ACBD6: variants seen among roughly 807,000 people sequenced by gnomAD.
ACBD6 encodes the protein acyl-CoA-binding domain-containing protein 6.
A neutral mutation model predicts 37.2 loss-of-function variants in ACBD6; 28 were observed. The ratio of observed to expected loss-of-function variants is 0.75; its 90% confidence interval spans 0.56 to 1.03. The LOEUF (loss-of-function observed/expected upper bound fraction) is 1.03, where lower values mean the gene tolerates loss of function less well. Among genes scored for constraint, ACBD6 ranks in the 50% least tolerant of loss-of-function variants. The probability of loss-of-function intolerance (pLI) is 0.00; values close to 1 mark genes in which losing one functional copy is unlikely to be tolerated. For missense variants in ACBD6, 340 were observed against 337.4 expected, an observed-to-expected ratio of 1.01 and a Z score of -0.06; for synonymous variants, 113 against 126.8, an observed-to-expected ratio of 0.89 and a Z score of 0.73.
At chr1:180,480,733 TA>T (rs1650999881) in intron 3 of ACBD6, among the ~76,000 whole-genome samples, 1 of 152,108 alleles carries the variant, frequency 6.6e-6, no homozygotes, top group Non-Finnish European at 1.5e-5. Flanking sequence ...AGATGTCACT[TA>T]AAAAATGAGA....
intron 3 of ACBD6, among the ~76,000 whole-genome samples, chr1:180,433,574 CTGTGTG>C (rs61101474): frequency 0.034 from 5,142 of 149,718 alleles, 225 homozygotes; most frequent in African/African-American, 0.091. Flanking sequence ...TGGTGTTATG[CTGTGTG>C]TGTGTGTGTG....
chr1:180,482,100 G>C (rs1651072335), intron 3 of ACBD6, among the ~76,000 whole-genome samples: 2 of 151,896 alleles, frequency 1.3e-5, no homozygotes, highest in Admixed American at 6.6e-5. Flanking sequence ...AAAGTCAAAG[G>C]TAAATTTTTG....
intron 3 of ACBD6, among the ~76,000 whole-genome samples, chr1:180,444,116 A>T (rs1184310718): frequency 2.0e-5 from 3 of 152,044 alleles, no homozygotes; most frequent in African/African-American, 7.2e-5. Flanking sequence ...ATAATATTCC[A>T]TGCAGTAATG....
intron 5 of ACBD6, among the ~76,000 whole-genome samples, chr1:180,406,333 T>C (rs568077378): frequency 1.3e-5 from 2 of 152,248 alleles, no homozygotes; most frequent in African/African-American, 2.4e-5. Flanking sequence ...CCAAAGAACA[T>C]TTCCTTGGAG....
At chr1:180,422,152 G>A (rs1648392281) in intron 4 of ACBD6, among the ~76,000 whole-genome samples, 2 of 151,984 alleles carry the variant, frequency 1.3e-5, no homozygotes, top group African/African-American at 4.8e-5. Flanking sequence ...AAATGTGCAA[G>A]GTTCTTGTAC....
chr1:180,306,134 A>T (rs952339559), intron 7 of ACBD6, among the ~76,000 whole-genome samples: 4 of 150,948 alleles, frequency 2.6e-5, no homozygotes, highest in Admixed American at 1.3e-4. Context: ...GCATTAGGAG[A>T]TATACCTAAT....
chr1:180,312,945 G>C (rs530068656), intron 7 of ACBD6, among the ~76,000 whole-genome samples: 1 of 152,256 alleles, frequency 6.6e-6, no homozygotes, highest in Non-Finnish European at 1.5e-5. Flanking sequence ...TCTGGCTTAC[G>C]AGCAGGCTTA....
intron 1 of ACBD6, among the ~76,000 whole-genome samples, chr1:180,501,820 C>A (rs1055943894): frequency 6.6e-6 from 1 of 151,792 alleles, no homozygotes; most frequent in Non-Finnish European, 1.5e-5. Context: ...AAAACAATGT[C>A]CAGTGTCCAG....
intron 8 of ACBD6, among the ~76,000 whole-genome samples, chr1:180,282,972 G>GTTTTTTTTTTTT: frequency 9.1e-6 from 1 of 109,988 alleles, no homozygotes; most frequent in Non-Finnish European, 1.8e-5. Context: ...ATGTCTTTCT[G>GTTTTTTTTTTTT]TTTTTTTTTT....
At chr1:180,388,479 A>G (rs1182352680) in intron 6 of ACBD6, among the ~76,000 whole-genome samples, 2 of 152,272 alleles carry the variant, frequency 1.3e-5, no homozygotes, top group Non-Finnish European at 2.9e-5. Context: ...TAATACAACT[A>G]TCTCTATTTG....
Position 180,502,172 on chromosome 1 carries a change from T to C in ACBD6, c.95A>G (p.His32Arg), listed in dbSNP as rs879040947. 5.0e-6 allele frequency: 8 copies of C among 1,614,096 alleles called. No homozygotes were observed. The highest frequency in any genetic ancestry group is 6.8e-6 in the Non-Finnish European group (8 of 1,180,020). The change falls in exon 1 of 8, where the codon CAT (histidine) becomes CGT (arginine). Residue 32 changes from histidine to arginine, a missense_variant. His to Arg is a conservative substitution (Grantham distance 29). Transcript: ENST00000367595. Reference sequence around the variant, plus strand: ...ACTGGTCTCCTCGATCTCAGGGCTATGGGGGAACTCCACCTCCCCGGAGTC... The same window carrying C: ...ACTGGTCTCCTCGATCTCAGGGCTACGGGGGAACTCCACCTCCCCGGAGTC... ...GDDSGEVEFP[H>R]SPEIEETSCL...
intron 4 of ACBD6, among the ~76,000 whole-genome samples, chr1:180,424,711 T>C (rs1648513520): frequency 6.6e-6 from 1 of 151,008 alleles, no homozygotes; most frequent in Non-Finnish European, 1.5e-5. Flanking sequence ...GAAAGAAAAA[T>C]TAGATGGGGT....
chr1:180,409,133 G>T (rs1362746188), intron 5 of ACBD6, among the ~76,000 whole-genome samples: 1 of 150,226 alleles, frequency 6.7e-6, no homozygotes. Context: ...TCCAGCCTGA[G>T]AATCTGTCTA....
chr1:180,340,190 T>C (rs1297826172), intron 6 of ACBD6, among the ~76,000 whole-genome samples: 2 of 152,190 alleles, frequency 1.3e-5, no homozygotes, highest in African/African-American at 4.8e-5. Flanking sequence ...TAAGCCATTC[T>C]AAGGATTTTG....
chr1:180,332,752 T>G (rs1224787463), intron 6 of ACBD6, among the ~76,000 whole-genome samples: 1 of 152,128 alleles, frequency 6.6e-6, no homozygotes, highest in African/African-American at 2.4e-5. Context: ...TGTAATGCAT[T>G]TGAATCATCC....
At chr1:180,452,863 G>C (rs2102029454) in intron 3 of ACBD6, among the ~76,000 whole-genome samples, 1 of 152,246 alleles carries the variant, frequency 6.6e-6, no homozygotes, top group South Asian at 2.1e-4. Context: ...GACTAAATCA[G>C]GAAGAAGTCG....
chr1:180,408,358 T>A (rs1240632462), intron 5 of ACBD6, among the ~76,000 whole-genome samples: 1 of 152,228 alleles, frequency 6.6e-6, no homozygotes, highest in African/African-American at 2.4e-5. Context: ...GATGAGTTCA[T>A]GTCCTTTGTA....
chr1:180,427,902 G>A, intron 4 of ACBD6, among the ~76,000 whole-genome samples: 2 of 140,380 alleles, frequency 1.4e-5, no homozygotes, highest in Admixed American at 7.4e-5. Flanking sequence ...CTTGGTGACA[G>A]AGCAAGACTC....
intron 9 of ACBD6, chr1:180,277,926 T>C (rs1267980027): frequency 1.3e-5 from 2 of 152,234 alleles, no homozygotes; most frequent in East Asian, 3.9e-4. Flanking sequence ...ATTGGGCCAT[T>C]AGATCTTCAT....
Sources: gnomAD v4.1 joint callset for allele counts (sites outside exome capture counted in the v4.1 genomes callset) on GRCh38, gnomAD v4.1.1 for gene constraint, MANE v1.5 for transcripts, NCBI Gene and HGNC (gene_info 2026-07-23, HGNC 2026-07-21) for gene names.